SOAT1: variants seen among roughly 807,000 people sequenced by gnomAD.
The protein encoded by SOAT1 is sterol O-acyltransferase 1.
A neutral mutation model predicts 69.5 loss-of-function variants in SOAT1; 55 were observed. The ratio of observed to expected loss-of-function variants is 0.79; its 90% CI spans 0.64 to 0.99. The LOEUF is 0.99. Ranked by LOEUF, SOAT1 falls within the 50% of genes least tolerant of loss-of-function variation. SOAT1 has a pLI of 0.00. For missense variants in SOAT1, 580 were observed against 669.3 expected, an observed-to-expected ratio of 0.87 and a Z score of 1.47; for synonymous variants, 231 against 224.7, an observed-to-expected ratio of 1.03 and a Z score of -0.25.
intron 6 of SOAT1, among the ~76,000 whole-genome samples, chr1:179,340,208 T>G (rs1222408187): frequency 6.6e-6 from 1 of 152,186 alleles, no homozygotes; most frequent in Non-Finnish European, 1.5e-5. Context: ...GAAAGTCAAA[T>G]TATAGGCCAG....
At chr1:179,306,954 C>T (rs746351030) in intron 2 of SOAT1, among the ~76,000 whole-genome samples, 8 of 151,984 alleles carry the variant, frequency 5.3e-5, no homozygotes, top group Non-Finnish European at 1.2e-4. Context: ...CAGCACATCT[C>T]AAACTTTTTC....
chr1:179,298,701 G>A (rs1311762383), intron 1 of SOAT1, among the ~76,000 whole-genome samples: 1 of 152,152 alleles, frequency 6.6e-6, no homozygotes, highest in East Asian at 1.9e-4. Flanking sequence ...TTAGCCTACA[G>A]TTGGGCAAAA....
intron 2 of SOAT1, among the ~76,000 whole-genome samples, chr1:179,312,949 A>G (rs182923658): frequency 4.6e-5 from 7 of 152,288 alleles, no homozygotes; most frequent in East Asian, 3.9e-4. Context: ...CCCAGTCAAT[A>G]AGCTTGAGTG....
At chr1:179,318,378 A>G (rs1665469437) in intron 2 of SOAT1, among the ~76,000 whole-genome samples, 1 of 152,160 alleles carries the variant, frequency 6.6e-6, no homozygotes. Flanking sequence ...AGAGCAGCAC[A>G]TTCTCATAAA....
chr1:179,302,572 G>A, intron 1 of SOAT1, 105 bp from the exon 2 acceptor site: 1 of 642,570 alleles, frequency 1.6e-6, no homozygotes, highest in Non-Finnish European at 2.5e-6. Flanking sequence ...ATGCGGAACT[G>A]TGAGACAGTT....
At chr1:179,315,469 TAAAAAA>T (rs559321401) in intron 2 of SOAT1, among the ~76,000 whole-genome samples, 1 of 143,092 alleles carries the variant, frequency 7.0e-6, no homozygotes, top group African/African-American at 2.6e-5. Context: ...GAACCTGTCT[TAAAAAA>T]AAAAAAGCAG....
chr1:179,305,953 G>A (rs1664987843), intron 2 of SOAT1, among the ~76,000 whole-genome samples: 1 of 152,186 alleles, frequency 6.6e-6, no homozygotes, highest in Non-Finnish European at 1.5e-5. Context: ...TGGGGTTGGG[G>A]GAGCCCTTGC....
chr1:179,337,460 G>A (rs182885815), intron 4 of SOAT1, among the ~76,000 whole-genome samples: 5 of 152,094 alleles, frequency 3.3e-5, no homozygotes, highest in Non-Finnish European at 7.4e-5. Flanking sequence ...ATGACCTTAG[G>A]GGATCTCTAC....
At chr1:179,330,009 GC>G (rs1239668388) in intron 3 of SOAT1, among the ~76,000 whole-genome samples, 3 of 152,104 alleles carry the variant, frequency 2.0e-5, no homozygotes, top group Non-Finnish European at 4.4e-5. Flanking sequence ...ATTTGTAATT[GC>G]CCGTTGGGTT....
intron 6 of SOAT1, 84 bp downstream of exon 6, chr1:179,339,629 T>C: frequency 1.3e-6 from 1 of 763,540 alleles, no homozygotes. Flanking sequence ...GGTAAATTGA[T>C]TAAATTGCTT....
intron 10 of SOAT1, 31 bp downstream of exon 10, chr1:179,343,666 G>T: frequency 6.8e-7 from 1 of 1,476,866 alleles, no homozygotes; most frequent in South Asian, 1.2e-5. Context: ...AAGGTATGTT[G>T]ATTAGGGGAT....
rs2125011717 is a variant in SOAT1 at position 179,356,567 on chromosome 1, C to T, written c.*2926C>T. ...ATGGGGTTTTACCATGTTGCTCAGG[C>T]TGGTCTCAAACTCCTGGAGTCAAGG... On this transcript the variant is annotated 3_prime_UTR_variant, in exon 16 of 16. Coordinates refer to ENST00000367619, the MANE Select transcript of SOAT1 (RefSeq NM_003101.6). 1 of 142,386 alleles carries T rather than the reference C, an allele frequency of 7.0e-6. No individual in the cohort carries two copies. Among genetic ancestry groups the T allele is most frequent in the Admixed American group, 7.6e-5 (1 of 13,172 alleles). 8.8% of individuals were successfully genotyped at this position (142,386 alleles called of 1,614,324 possible).
At chr1:179,336,235 G>A (rs972922039) in intron 4 of SOAT1, among the ~76,000 whole-genome samples, 1 of 151,634 alleles carries the variant, frequency 6.6e-6, no homozygotes, top group Non-Finnish European at 1.5e-5. Context: ...GGGCGAGGCG[G>A]GTGGATCACT....
intron 1 of SOAT1, among the ~76,000 whole-genome samples, chr1:179,302,204 A>C (rs974626735): frequency 6.6e-6 from 1 of 152,180 alleles, no homozygotes; most frequent in African/African-American, 2.4e-5. Flanking sequence ...GATTAATGCA[A>C]AAGGAAGAGA....
Position 179,321,025 on chromosome 1 carries a change from G to T in SOAT1, c.119-2412G>T, listed in dbSNP as rs181746879. Among the ~76,000 whole-genome samples, 413 of 152,066 alleles carry T rather than the reference G, an allele frequency of 2.7e-3. 3 individuals are homozygous for T. Among genetic ancestry groups the T allele is most frequent in the Non-Finnish European group, 5.0e-3 (338 of 67,996 alleles). On this transcript the variant is annotated intron_variant, in intron 2 of 15. Coordinates refer to ENST00000367619, the MANE Select transcript of SOAT1 (RefSeq NM_003101.6). ...GGTTCAAGCAATTGTCCCTGCCTTG[G>T]ACTCCCAAGTAGCTGGGATTATAGG...
chr1:179,297,777 A>G (rs913607985), intron 1 of SOAT1, among the ~76,000 whole-genome samples: 5 of 149,004 alleles, frequency 3.4e-5, no homozygotes, highest in African/African-American at 1.2e-4. Context: ...CACACCTGTA[A>G]TCCCAGCACT....
chr1:179,345,975 G>A (rs190293534), intron 11 of SOAT1, among the ~76,000 whole-genome samples: 1 of 152,280 alleles, frequency 6.6e-6, no homozygotes, highest in Admixed American at 6.5e-5. Context: ...CAGGTGCAGA[G>A]GACTCAGAAG....
intron 3 of SOAT1, among the ~76,000 whole-genome samples, chr1:179,327,499 C>T (rs1340802619): frequency 1.3e-5 from 2 of 152,130 alleles, no homozygotes; most frequent in South Asian, 2.1e-4. Flanking sequence ...AAATCTCATC[C>T]GGCAGCTGTT....
chr1:179,326,650 C>T lies in SOAT1; in HGVS notation c.177+3155C>T, dbSNP rs1420370503. On this transcript the variant is annotated intron_variant, in intron 3 of 15. Transcript: ENST00000367619. ...TCTGATCACTGCAACCTCTGCCTCC[C>T]GGGTTCAAGTGATTCTCCTGCCTAA... Among the ~76,000 whole-genome samples the T allele has an allele frequency of 3.3e-5, 5 of 150,680 alleles. No homozygotes were observed. The East Asian group carries it at 5.8e-4, about 18-fold the overall frequency.
Sources: gnomAD v4.1 joint callset for allele counts (sites outside exome capture counted in the v4.1 genomes callset) on GRCh38, gnomAD v4.1.1 for gene constraint, MANE v1.5 for transcripts, NCBI Gene and HGNC (gene_info 2026-07-23, HGNC 2026-07-21) for gene names.